The following UGGT2 variants were observed in gnomAD, a reference collection of about 807,000 sequenced individuals.
The protein encoded by UGGT2 is UDP-glucose:glycoprotein glucosyltransferase 2.
In UGGT2, 180 loss-of-function variants were observed where a neutral mutation model predicts 192.1. The observed-to-expected ratio is 0.94, with a 90% CI of 0.83 to 1.06. UGGT2 has a LOEUF of 1.06. Ranked by LOEUF, UGGT2 falls within the 50% of genes least tolerant of loss-of-function variation. The pLI is 0.00. For missense variants in UGGT2, 1,849 were observed against 1,795.7 expected, an observed-to-expected ratio of 1.03 and a Z score of -0.54; for synonymous variants, 580 against 591.0, an observed-to-expected ratio of 0.98 and a Z score of 0.27.
At chr13:96,037,808 G>A (rs2053048883) in intron 1 of UGGT2, among the ~76,000 whole-genome samples, 1 of 151,992 alleles carries the variant, frequency 6.6e-6, no homozygotes, top group Non-Finnish European at 1.5e-5. Context: ...CAACCTCTTT[G>A]CTTTTCCTAC....
intron 38 of UGGT2, among the ~76,000 whole-genome samples, chr13:95,813,325 A>C (rs1172230015): frequency 6.6e-6 from 1 of 152,210 alleles, no homozygotes; most frequent in Non-Finnish European, 1.5e-5. Context: ...GAAATGAGGA[A>C]CTGGCTGGGA....
intron 38 of UGGT2, among the ~76,000 whole-genome samples, chr13:95,831,413 AT>A (rs1164047443): frequency 1.3e-5 from 2 of 152,142 alleles, no homozygotes; most frequent in Non-Finnish European, 2.9e-5. Context: ...TCTATAACCT[AT>A]TTTTTAACTT....
chr13:95,894,425 C>T, intron 24 of UGGT2, 137 bp downstream of exon 24: 3 of 636,918 alleles, frequency 4.7e-6, no homozygotes, highest in Non-Finnish European at 8.0e-6. Flanking sequence ...ATTTATCTTC[C>T]TAATACTGTC....
Position 95,867,327 on chromosome 13 carries a change from G to T in UGGT2, c.3558+12C>A, listed in dbSNP as rs764952674. On this transcript the variant is annotated intron_variant, in intron 30 of 38. Coordinates refer to ENST00000376747, the MANE Select transcript of UGGT2 (RefSeq NM_020121.4). ...AAGAACAAAGCCTATAAAAAGTTCT[G>T]CCCCCACATACTTTTACTTTGAGTA... The T allele has an allele frequency of 1.5e-5, 24 of 1,591,252 alleles. No homozygotes were observed. The African/African-American group carries it at 2.7e-4, about 18-fold the overall frequency.
At chr13:95,973,881 T>C (rs2050854425) in intron 10 of UGGT2, among the ~76,000 whole-genome samples, 1 of 152,228 alleles carries the variant, frequency 6.6e-6, no homozygotes, top group Non-Finnish European at 1.5e-5. Context: ...TTAAATGTAA[T>C]ATACATCTAT....
chr13:95,958,578 T>C (rs2050285397), intron 12 of UGGT2, among the ~76,000 whole-genome samples: 1 of 151,894 alleles, frequency 6.6e-6, no homozygotes, highest in Non-Finnish European at 1.5e-5. Context: ...TCAGAGAGGA[T>C]TTTTCCCCTT....
At chr13:95,935,175 G>T (rs1039464779) in intron 17 of UGGT2, among the ~76,000 whole-genome samples, 1 of 152,116 alleles carries the variant, frequency 6.6e-6, no homozygotes, top group East Asian at 1.9e-4. Context: ...TTTAAGTGAG[G>T]CACTTAGGCC....
chr13:95,883,049 A>C (rs1349601776), intron 27 of UGGT2, among the ~76,000 whole-genome samples: 2 of 152,054 alleles, frequency 1.3e-5, no homozygotes, highest in African/African-American at 4.8e-5. Context: ...TCTAAATTTG[A>C]AGGACTGATA....
At chr13:96,013,920 A>G (rs2052245416) in intron 4 of UGGT2, among the ~76,000 whole-genome samples, 2 of 152,188 alleles carry the variant, frequency 1.3e-5, no homozygotes, top group African/African-American at 4.8e-5. Context: ...ATCCCCAAGT[A>G]TAAGCAAAGA....
chr13:96,003,704 G>C (rs2051879633), intron 5 of UGGT2, among the ~76,000 whole-genome samples: 1 of 152,148 alleles, frequency 6.6e-6, no homozygotes, highest in African/African-American at 2.4e-5. Flanking sequence ...CCAGCTATCA[G>C]CCTGAACTGC....
At chr13:96,004,115 A>G (rs2139030372) in intron 5 of UGGT2, among the ~76,000 whole-genome samples, 1 of 151,978 alleles carries the variant, frequency 6.6e-6, no homozygotes, top group South Asian at 2.1e-4. Context: ...TGGATTCCCC[A>G]TGTAAGCAGC....
At chr13:95,841,571 G>A (rs1887868129) in intron 36 of UGGT2, among the ~76,000 whole-genome samples, 1 of 152,114 alleles carries the variant, frequency 6.6e-6, no homozygotes, top group Non-Finnish European at 1.5e-5. Flanking sequence ...CATCCTACAG[G>A]AGTTCTTTAT....
chr13:95,915,971 T>A (rs746658976), intron 20 of UGGT2, among the ~76,000 whole-genome samples: 13 of 152,260 alleles, frequency 8.5e-5, no homozygotes, highest in Admixed American at 2.0e-4. Flanking sequence ...GCTGTTCCAC[T>A]CAGCCGGCTC....
intron 38 of UGGT2, among the ~76,000 whole-genome samples, chr13:95,806,246 G>A (rs1884301708): frequency 6.6e-6 from 1 of 152,102 alleles, no homozygotes; most frequent in Non-Finnish European, 1.5e-5. Context: ...GTATGTAGCT[G>A]GTCAGGCAGG....
At chr13:96,007,097 T>C (rs2052004663) in intron 5 of UGGT2, among the ~76,000 whole-genome samples, 1 of 152,188 alleles carries the variant, frequency 6.6e-6, no homozygotes. Context: ...TCATGCACCA[T>C]GATCAAGTGA....
chr13:95,973,357 CATGAT>C (rs2050837042), intron 10 of UGGT2, among the ~76,000 whole-genome samples: 1 of 152,018 alleles, frequency 6.6e-6, no homozygotes, highest in Non-Finnish European at 1.5e-5. Context: ...TTTTACAATA[CATGAT>C]ATTACAGTTC....
intron 10 of UGGT2, among the ~76,000 whole-genome samples, chr13:95,977,863 T>C (rs946145139): frequency 3.3e-5 from 5 of 152,116 alleles, no homozygotes; most frequent in South Asian, 2.1e-4. Context: ...TATGCAGTCA[T>C]AGAAAAGAAT....
chr13:95,965,829 A>T (rs187609499), intron 12 of UGGT2, among the ~76,000 whole-genome samples: 215 of 152,306 alleles, frequency 1.4e-3, no homozygotes, highest in African/African-American at 4.7e-3. Flanking sequence ...AATGTAAATA[A>T]AAGTGACACG....
chr13:95,951,058 G>A (rs1842121071), intron 12 of UGGT2, among the ~76,000 whole-genome samples: 1 of 152,190 alleles, frequency 6.6e-6, no homozygotes, highest in African/African-American at 2.4e-5. Context: ...TGAGTTTATT[G>A]TGGACTGAAC....
Sources: gnomAD v4.1 joint callset for allele counts (sites outside exome capture counted in the v4.1 genomes callset) on GRCh38, gnomAD v4.1.1 for gene constraint, MANE v1.5 for transcripts, NCBI Gene and HGNC (gene_info 2026-07-23, HGNC 2026-07-21) for gene names.